PUM3: variants seen among roughly 807,000 people sequenced by gnomAD.
PUM3 encodes pumilio RNA binding family member 3.
A neutral mutation model predicts 84.0 loss-of-function variants in PUM3; 91 were observed. The observed-to-expected ratio is 1.08, with a 90% confidence interval of 0.91 to 1.29. PUM3 has a LOEUF of 1.29. Among genes scored for constraint, PUM3 ranks in the 50% most tolerant of loss-of-function variants. The pLI is 0.00. For missense variants in PUM3, 1,067 were observed against 767.5 expected (o/e 1.39, Z -4.61); for synonymous variants, 321 against 266.7 (o/e 1.20, Z -1.98).
chr9:2,811,858 A>T (rs79788883), intron 14 of PUM3, among the ~76,000 whole-genome samples: 1 of 151,796 alleles, frequency 6.6e-6, no homozygotes, highest in Non-Finnish European at 1.5e-5. Context: ...AAAAAAAAAA[A>T]ATCCAAAAAC....
intron 9 of PUM3, among the ~76,000 whole-genome samples, chr9:2,828,107 A>C (rs373971476): frequency 5.3e-5 from 8 of 152,244 alleles, no homozygotes; most frequent in African/African-American, 1.9e-4. Context: ...TGGCACAACC[A>C]TGGCTCACTG....
chr9:2,804,453 T>C lies in PUM3; in HGVS notation c.1825A>G (p.Ser609Gly), dbSNP rs1250740570. The change falls in exon 18 of 18, where the codon AGT becomes GGT. Residue 609 changes from serine to glycine, a missense_variant. By Grantham distance (56) the Ser-to-Gly change is moderately conservative (BLOSUM62 0). Coordinates refer to ENST00000397885, the MANE Select transcript of PUM3 (RefSeq NM_014878.5). ...GAIILSSLLQSCDLEVANKVK... is the reference protein window; with the variant it reads ...GAIILSSLLQGCDLEVANKVK... ...TTGTTTGCAACTTCCAGGTCACAAC[T>C]CTGGAGGAGGCTGAAGAGAGGAAAA... 1 of 1,613,560 alleles carries C rather than the reference T, an allele frequency of 6.2e-7. No individual in the cohort carries two copies. The highest frequency in any genetic ancestry group is 2.2e-5 in the East Asian group (1 of 44,864).
In PUM3 at chr9:2,827,468, T is replaced by C. The variant is rs77595415; in HGVS notation, c.957-317A>G. On this transcript the variant is annotated intron_variant, in intron 9 of 17. Coordinates refer to ENST00000397885, the MANE Select transcript of PUM3 (RefSeq NM_014878.5). ...ACATCTACATTTTTTCCCCCAGCAC[T>C]GGACATAATGATTAGAAATCCACAT... 4.6e-3 allele frequency among the ~76,000 whole-genome samples: 695 copies of C among 152,336 alleles called. 2 individuals are homozygous for C. Among genetic ancestry groups the C allele is most frequent in the Middle Eastern group, 0.014 (4 of 294 alleles).
At chr9:2,817,902 C>G (rs1586720523) in intron 13 of PUM3, among the ~76,000 whole-genome samples, 1 of 152,308 alleles carries the variant, frequency 6.6e-6, no homozygotes, top group East Asian at 1.9e-4. Flanking sequence ...TATTTACTTT[C>G]CAGCGACCAT....
At chr9:2,837,457 T>A in intron 2 of PUM3, 56 bp from the exon 3 acceptor site, 1 of 1,126,262 alleles carries the variant, frequency 8.9e-7, no homozygotes, top group Non-Finnish European at 1.3e-6. Flanking sequence ...CTCTTTTATC[T>A]ATTGGATTAT....
intron 5 of PUM3, among the ~76,000 whole-genome samples, chr9:2,832,858 G>A (rs1816021452): frequency 6.6e-6 from 1 of 152,084 alleles, no homozygotes; most frequent in Non-Finnish European, 1.5e-5. Context: ...AGAGTCACAG[G>A]AAATTTATTA....
chr9:2,837,802 G>T (rs1816168005), intron 2 of PUM3, among the ~76,000 whole-genome samples: 1 of 152,104 alleles, frequency 6.6e-6, no homozygotes, highest in African/African-American at 2.4e-5. Context: ...CTTAAGAAAT[G>T]ACTTCTTGAA....
At chr9:2,837,425 T>A in intron 2 of PUM3, 24 bp from the exon 3 acceptor site, 2 of 1,481,682 alleles carry the variant, frequency 1.3e-6, no homozygotes, top group Non-Finnish European at 1.9e-6. Context: ...TAATTATAAG[T>A]TCAATGATTC....
At chr9:2,810,487 A>C (rs955795596) in intron 15 of PUM3, 56 bp from the exon 16 acceptor site, 1 of 1,163,972 alleles carries the variant, frequency 8.6e-7, no homozygotes, top group South Asian at 1.3e-5. Context: ...ATACAAATAC[A>C]TTTGAATGAA....
chr9:2,815,483 T>G (rs116125758), intron 13 of PUM3, among the ~76,000 whole-genome samples: 273 of 152,302 alleles, frequency 1.8e-3, no homozygotes, highest in African/African-American at 5.8e-3. Context: ...TGTGCAGAAT[T>G]TAATCTCCGG....
intron 12 of PUM3, among the ~76,000 whole-genome samples, chr9:2,821,589 G>A (rs1297248130): frequency 6.6e-6 from 1 of 152,142 alleles, no homozygotes; most frequent in Non-Finnish European, 1.5e-5. Context: ...TATGGGTGAT[G>A]GTGAAAACCT....
intron 11 of PUM3, 143 bp from the exon 12 acceptor site, chr9:2,823,977 G>A (rs987979700): frequency 1.0e-5 from 5 of 498,398 alleles, no homozygotes; most frequent in Non-Finnish European, 1.8e-5. Flanking sequence ...TATACAGCCA[G>A]AACAAAAAAA....
At position 2,831,040 on chromosome 9, in the gene PUM3, A is replaced by G; in HGVS notation, c.611-12T>C. ...CTCAACCAAATCATCTGAAAAACAA[A>G]AATACATTACAGTGACTTCAGATCT... is the stretch of plus-strand genomic sequence containing the variant. On this transcript the variant is annotated splice_polypyrimidine_tract_variant and intron_variant, in intron 6 of 17. Transcript: ENST00000397885. The G allele has an allele frequency of 7.4e-7, 1 of 1,359,644 alleles. No individual in the cohort carries two copies. The allele number at this position is 1,359,644 out of a possible 1,614,324, so 84.2% of individuals were successfully genotyped here.
intron 12 of PUM3, among the ~76,000 whole-genome samples, chr9:2,823,468 C>G (rs537243188): frequency 1.3e-5 from 2 of 151,972 alleles, no homozygotes; most frequent in Admixed American, 1.3e-4. Flanking sequence ...GCAGTAATTC[C>G]CATATTTAAT....
At position 2,813,204 on chromosome 9, in the gene PUM3, A is replaced by G. The variant is rs547721684; in HGVS notation, c.1270-842T>C. On this transcript the variant is annotated intron_variant, in intron 13 of 17. Transcript: ENST00000397885. ...TTTTCTAGTTGTTCGAATTTAAGGG[A>G]CAAAAGCAACGTCATCCCCACCCTA... Among the ~76,000 whole-genome samples, 5 of 152,314 alleles carry G rather than the reference A, an allele frequency of 3.3e-5. No homozygotes were observed. The South Asian group carries it at 8.3e-4, about 25-fold the overall frequency.
At chr9:2,825,892 A>C (rs1815806101) in intron 10 of PUM3, among the ~76,000 whole-genome samples, 1 of 152,230 alleles carries the variant, frequency 6.6e-6, no homozygotes, top group Non-Finnish European at 1.5e-5. Flanking sequence ...AAATAAATAC[A>C]AAGCCTCATG....
In PUM3 at chr9:2,839,394, G is replaced by C. The variant is rs78223045; in HGVS notation, c.-10-877C>G. Among the ~76,000 whole-genome samples the C allele has an allele frequency of 5.4e-3, 817 of 152,246 alleles. 3 individuals are homozygous for C. The highest frequency in any genetic ancestry group is 0.023 in the South Asian group (109 of 4,826). On this transcript the variant is annotated intron_variant, in intron 1 of 17. Coordinates refer to ENST00000397885, the MANE Select transcript of PUM3 (RefSeq NM_014878.5). ...TGCCCATTCAAGAACTAATTTCTCA[G>C]GATATTACCATAAGAGAAAAGAAGG...
At chr9:2,821,559 C>G (rs1435787501) in intron 12 of PUM3, among the ~76,000 whole-genome samples, 1 of 147,850 alleles carries the variant, frequency 6.8e-6, no homozygotes, top group Non-Finnish European at 1.5e-5. Flanking sequence ...ATAATTAAAA[C>G]AATGAAATGC....
rs752848143 is a variant in PUM3 at position 2,833,410 on chromosome 9, T to C, written c.463A>G (p.Arg155Gly). 1.9e-6 allele frequency: 3 copies of C among 1,586,806 alleles called. No homozygotes were observed. Among genetic ancestry groups the C allele is most frequent in the Non-Finnish European group, 8.6e-7 (1 of 1,158,140 alleles). The change falls in exon 5 of 18, where the codon AGA (arginine) becomes GGA (glycine). Residue 155 changes from arginine (R) to glycine (G), a missense_variant. Physicochemically the swap from Arg to Gly is moderately radical, Grantham distance 125. Coordinates refer to ENST00000397885, the MANE Select transcript of PUM3 (RefSeq NM_014878.5). Reference protein sequence around the residue: ...LRRKDCDKEKRVKLMSDLQKL... With the variant: ...LRRKDCDKEKGVKLMSDLQKL... ...TGCAAATCACTCATTAACTTTACTC[T>C]TTTTTCTTTGTCACAGTCTTTTCTA...
Sources: gnomAD v4.1 joint callset for allele counts (sites outside exome capture counted in the v4.1 genomes callset) on GRCh38, gnomAD v4.1.1 for gene constraint, MANE v1.5 for transcripts, NCBI Gene and HGNC (gene_info 2026-07-23, HGNC 2026-07-21) for gene names.